BTBD2: variants seen among roughly 807,000 people sequenced by gnomAD.
The protein encoded by BTBD2 is BTB domain containing 2, also known as BTB/POZ domain-containing protein 2.
BTBD2 carries 15 observed loss-of-function variants against 44.0 expected under a neutral mutation model. The observed-to-expected ratio is 0.34, with a 90% CI of 0.23 to 0.53. The LOEUF (loss-of-function observed/expected upper bound fraction) is 0.53. Ranked by LOEUF, BTBD2 falls within the 20% of genes least tolerant of loss-of-function variation. The pLI, the probability that BTBD2 is intolerant of heterozygous loss-of-function variation, is 0.95. For synonymous variants in BTBD2, 443 were observed against 335.9 expected (o/e 1.32, Z -3.49); for missense variants, 657 against 746.4 (o/e 0.88, Z 1.39).
chr19:2,009,905 G>A (rs977306027), intron 1 of BTBD2, among the ~76,000 whole-genome samples: 2 of 151,956 alleles, frequency 1.3e-5, no homozygotes, highest in Non-Finnish European at 2.9e-5. Flanking sequence ...TGTAATCCCA[G>A]CACTTTGGGA....
intron 1 of BTBD2, among the ~76,000 whole-genome samples, chr19:2,008,314 T>C (rs1222996192): frequency 2.0e-5 from 3 of 150,472 alleles, no homozygotes; most frequent in African/African-American, 7.4e-5. Context: ...TTTTTTTTTT[T>C]TTCTAGGTGG....
At chr19:1,998,089 CCATT>C (rs982188403) in intron 1 of BTBD2, among the ~76,000 whole-genome samples, 1 of 126,500 alleles carries the variant, frequency 7.9e-6, no homozygotes, top group Admixed American at 7.9e-5. Flanking sequence ...ATTCACTCAC[CCATT>C]CACACACACA....
At chr19:1,995,712 C>T (rs1399300794) in intron 2 of BTBD2, among the ~76,000 whole-genome samples, 2 of 151,254 alleles carry the variant, frequency 1.3e-5, no homozygotes, top group Admixed American at 6.6e-5. Flanking sequence ...TCTCAGTCCA[C>T]TCCAACCTCC....
At position 2,015,657 on chromosome 19, in the gene BTBD2, A is replaced by G; in HGVS notation, c.47T>C (p.Val16Ala). 1.0e-6 allele frequency: 1 copy of G among 962,250 alleles called. No homozygotes were observed. The highest frequency in any genetic ancestry group is 1.0e-4 in the East Asian group (1 of 9,926). The allele number at this position is 962,250 out of a possible 1,614,324, so 59.6% of individuals were successfully genotyped here. The part of the protein sequence containing the change: ...SGGRASCPPG[V>A]GVGPGTGGSP... Reference sequence around the variant, plus strand: ...GCCCCCCGTGCCCGGGCCGACCCCGACCCCCGGCGGGCACGACGCACGCCC... The same window carrying G: ...GCCCCCCGTGCCCGGGCCGACCCCGGCCCCCGGCGGGCACGACGCACGCCC... The change falls in exon 1 of 9, where the codon GTC becomes GCC. Residue 16 changes from valine (V) to alanine (A), a missense_variant. Physicochemically the swap from Val to Ala is moderately conservative, Grantham distance 64 (BLOSUM62 0). Coordinates refer to ENST00000255608, the MANE Select transcript of BTBD2 (RefSeq NM_017797.4).
intron 3 of BTBD2, chr19:1,991,943 G>A (rs923088992): frequency 6.6e-5 from 10 of 151,910 alleles, no homozygotes; most frequent in African/African-American, 2.4e-4. Context: ...TTTTAGCCAG[G>A]CGCGGTGGTG....
chr19:1,988,273 CTG>C (rs2016121709), intron 5 of BTBD2: 2 of 153,840 alleles, frequency 1.3e-5, no homozygotes, highest in South Asian at 2.0e-4. Context: ...GGCAGAGGGA[CTG>C]TGCATGGGAT....
intron 6 of BTBD2, 32 bp downstream of exon 6, chr19:1,987,468 C>T (rs1486087276): frequency 1.7e-6 from 2 of 1,182,262 alleles, no homozygotes; most frequent in South Asian, 2.6e-5. Context: ...ACCCCCATGT[C>T]CGGACCCCCC....
At chr19:2,000,564 C>T (rs954395526) in intron 1 of BTBD2, among the ~76,000 whole-genome samples, 1 of 152,162 alleles carries the variant, frequency 6.6e-6, no homozygotes, top group East Asian at 1.9e-4. Flanking sequence ...CAACACCGAG[C>T]CCCTCCCTGG....
intron 4 of BTBD2, 36 bp from the exon 5 acceptor site, chr19:1,990,237 A>G (rs1459790615): frequency 2.6e-6 from 4 of 1,555,716 alleles, no homozygotes; most frequent in Non-Finnish European, 2.6e-6. Flanking sequence ...TGAACACGAC[A>G]CCCACATGCC....
At chr19:2,011,377 C>CACGGCGCG (rs2016462470) in intron 1 of BTBD2, among the ~76,000 whole-genome samples, 1 of 152,134 alleles carries the variant, frequency 6.6e-6, no homozygotes, top group Non-Finnish European at 1.5e-5. Context: ...TGGGCCCATC[C>CACGGCGCG]ACGGCGCGTT....
intron 1 of BTBD2, 54 bp downstream of exon 1, chr19:2,015,243 C>T (rs1360398703): frequency 8.9e-6 from 12 of 1,342,100 alleles, no homozygotes; most frequent in Non-Finnish European, 1.2e-5. Flanking sequence ...GTGCAGGGCC[C>T]GGGCAGCAGG....
Position 2,015,710 on chromosome 19 carries a change from G to T in BTBD2, c.-7C>A. Reference sequence around the variant, plus strand: ...CGCTCCCACCCGCCGCCATTTTGTGGCTGCGGCGTGGGCGGGGGAGGGGAG... The same window carrying T: ...CGCTCCCACCCGCCGCCATTTTGTGTCTGCGGCGTGGGCGGGGGAGGGGAG... On this transcript the variant is annotated 5_prime_UTR_variant, in exon 1 of 9. Coordinates refer to ENST00000255608, the MANE Select transcript of BTBD2 (RefSeq NM_017797.4). The T allele has an allele frequency of 1.1e-6, 1 of 946,568 alleles. No individual in the cohort carries two copies. Among genetic ancestry groups the T allele is most frequent in the Non-Finnish European group, 1.2e-6 (1 of 801,628 alleles). The allele number at this position is 946,568 out of a possible 1,614,324, so 58.6% of individuals were successfully genotyped here.
intron 1 of BTBD2, among the ~76,000 whole-genome samples, chr19:2,012,143 C>G (rs779506998): frequency 6.7e-6 from 1 of 148,708 alleles, no homozygotes; most frequent in East Asian, 2.0e-4. Flanking sequence ...CGTGAGCCAC[C>G]GCGCCCAGCC....
intron 1 of BTBD2, among the ~76,000 whole-genome samples, chr19:2,004,518 A>G (rs2016369858): frequency 1.3e-5 from 2 of 151,838 alleles, no homozygotes; most frequent in African/African-American, 4.8e-5. Context: ...GCTGGTCTCC[A>G]ACTCCTGACC....
rs377248048 is a variant in BTBD2, at chr19:1,995,741, A to G, written c.527+1603T>C. Among the ~76,000 whole-genome samples the G allele has an allele frequency of 2.6e-4, 39 of 149,718 alleles. No homozygotes were observed. The East Asian group carries it at 6.5e-3, about 25-fold the overall frequency. ...AACCTCCATCTCCCGGGTTCACGCCATTCTCCTGCCTCAGCCTCCCAAGTA... is the reference window on the plus strand; with the variant it reads ...AACCTCCATCTCCCGGGTTCACGCCGTTCTCCTGCCTCAGCCTCCCAAGTA... On this transcript the variant is annotated intron_variant, in intron 2 of 8. Coordinates refer to ENST00000255608, the MANE Select transcript of BTBD2 (RefSeq NM_017797.4).
At chr19:2,012,710 C>T (rs1046909824) in intron 1 of BTBD2, among the ~76,000 whole-genome samples, 1 of 152,336 alleles carries the variant, frequency 6.6e-6, no homozygotes, top group East Asian at 1.9e-4. Context: ...TCATTGCCCT[C>T]TCCTGAGCCC....
intron 5 of BTBD2, chr19:1,988,386 T>G (rs2016123351): frequency 6.6e-6 from 1 of 152,446 alleles, no homozygotes; most frequent in Non-Finnish European, 1.5e-5. Flanking sequence ...TCTGCTCTAA[T>G]GAGAGCAGCC....
chr19:1,999,856 GGAGGCT>G (rs1006483642), intron 1 of BTBD2, among the ~76,000 whole-genome samples: 35 of 151,876 alleles, frequency 2.3e-4, no homozygotes, highest in Admixed American at 9.2e-4. Context: ...CAGCTACTCA[GGAGGCT>G]GAGGCAGGAG....
chr19:1,993,321 G>T (rs935652850), intron 2 of BTBD2, 145 bp from the exon 3 acceptor site: 21 of 1,209,032 alleles, frequency 1.7e-5, no homozygotes, highest in Non-Finnish European at 1.9e-5. Context: ...GTTCCCCGAG[G>T]AACCTTCCAG....
Sources: allele counts gnomAD v4.1 joint callset (sites outside exome capture counted in the v4.1 genomes callset), GRCh38; gene constraint gnomAD v4.1.1; transcripts MANE v1.5; gene names NCBI Gene and HGNC (gene_info 2026-07-23, HGNC 2026-07-21).